L3MBTL4: variants seen among roughly 807,000 people sequenced by gnomAD.
L3MBTL4 encodes L3MBTL histone methyl-lysine binding protein 4.
In L3MBTL4, 70 loss-of-function variants were observed where a neutral mutation model predicts 84.5. That is an observed-to-expected ratio of 0.83 (90% CI 0.68 to 1.01). The LOEUF (loss-of-function observed/expected upper bound fraction) is 1.01. Among genes scored for constraint, L3MBTL4 ranks in the 50% least tolerant of loss-of-function variants. The pLI is 0.00. For missense variants in L3MBTL4, 715 were observed against 754.8 expected, an observed-to-expected ratio of 0.95 and a Z score of 0.62; for synonymous variants, 274 against 259.8, an observed-to-expected ratio of 1.05 and a Z score of -0.52.
At position 6,007,379 on chromosome 18, in the gene L3MBTL4, G is replaced by A. The variant is rs533163005; in HGVS notation, c.1445-37817C>T. Reference sequence around the variant, plus strand: ...TACTTGTAATTAAAAAAAAACTCACGATAAGAAAATGCAAATTAAATTTAT... The same window carrying A: ...TACTTGTAATTAAAAAAAAACTCACAATAAGAAAATGCAAATTAAATTTAT... On this transcript the variant is annotated intron_variant, in intron 16 of 18. Transcript: ENST00000317931. Among the ~76,000 whole-genome samples the A allele has an allele frequency of 2.0e-5, 3 of 151,486 alleles. No homozygotes were observed. The South Asian group carries it at 6.3e-4, about 32-fold the overall frequency.
intron 1 of L3MBTL4, among the ~76,000 whole-genome samples, chr18:6,393,378 C>G (rs2055138119): frequency 6.6e-6 from 1 of 152,136 alleles, no homozygotes; most frequent in South Asian, 2.1e-4. Context: ...ACCTAATTCT[C>G]ACAGGGAGCA....
intron 17 of L3MBTL4, among the ~76,000 whole-genome samples, chr18:5,968,893 G>A (rs934362669): frequency 3.3e-5 from 5 of 152,086 alleles, no homozygotes; most frequent in African/African-American, 1.2e-4. Flanking sequence ...CTTTAGATGA[G>A]CAAACCTGCA....
chr18:6,293,197 T>G (rs7226711), intron 4 of L3MBTL4, among the ~76,000 whole-genome samples: 1 of 151,980 alleles, frequency 6.6e-6, no homozygotes, highest in Non-Finnish European at 1.5e-5. Context: ...AGACTTTCCT[T>G]AGCTCTGTCC....
At chr18:6,228,459 C>T (rs966776482) in intron 10 of L3MBTL4, among the ~76,000 whole-genome samples, 2 of 151,922 alleles carry the variant, frequency 1.3e-5, no homozygotes, top group African/African-American at 4.8e-5. Flanking sequence ...AAAAGATGAA[C>T]CACAGACTGA....
At chr18:6,065,196 A>T (rs1227818568) in intron 16 of L3MBTL4, among the ~76,000 whole-genome samples, 1 of 152,008 alleles carries the variant, frequency 6.6e-6, no homozygotes, top group Non-Finnish European at 1.5e-5. Context: ...CCTGGGATGA[A>T]ATCTACTTGA....
At chr18:6,032,153 AT>A (rs760529249) in intron 16 of L3MBTL4, 32 of 291,172 alleles carry the variant, frequency 1.1e-4, no homozygotes, top group Admixed American at 1.8e-4. Flanking sequence ...AATTTTTTGT[AT>A]TTTTGGTAGA....
intron 16 of L3MBTL4, among the ~76,000 whole-genome samples, chr18:5,993,565 A>G (rs1424706441): frequency 6.6e-6 from 1 of 152,146 alleles, no homozygotes; most frequent in Non-Finnish European, 1.5e-5. Context: ...CCATTATTTT[A>G]GGATTAGGCA....
At chr18:6,244,361 T>A in intron 6 of L3MBTL4, 123 bp downstream of exon 6, 1 of 582,700 alleles carries the variant, frequency 1.7e-6, no homozygotes. Flanking sequence ...CATCGCTGAC[T>A]AAAATAAATC....
chr18:6,080,079 C>G (rs1452717254), intron 16 of L3MBTL4: 1 of 152,506 alleles, frequency 6.6e-6, no homozygotes, highest in African/African-American at 2.4e-5. Context: ...AGCACCCTCT[C>G]CTTCTCTTAA....
intron 13 of L3MBTL4, among the ~76,000 whole-genome samples, chr18:6,139,535 G>A (rs572021918): frequency 4.6e-5 from 7 of 151,276 alleles, no homozygotes; most frequent in African/African-American, 1.5e-4. Context: ...ACACACACAC[G>A]CACACTCACA....
At chr18:6,066,271 C>T (rs1399906148) in intron 16 of L3MBTL4, among the ~76,000 whole-genome samples, 1 of 152,088 alleles carries the variant, frequency 6.6e-6, no homozygotes, top group Non-Finnish European at 1.5e-5. Flanking sequence ...GTTTTATGGT[C>T]TATCATATGG....
chr18:6,085,225 T>C (rs1347445866), intron 15 of L3MBTL4, among the ~76,000 whole-genome samples: 1 of 151,226 alleles, frequency 6.6e-6, no homozygotes, highest in Non-Finnish European at 1.5e-5. Context: ...AGAGGAGAAA[T>C]ACTGGAAACC....
chr18:6,298,135 A>G (rs2050182477), intron 4 of L3MBTL4, among the ~76,000 whole-genome samples: 1 of 152,178 alleles, frequency 6.6e-6, no homozygotes, highest in African/African-American at 2.4e-5. Context: ...ACCTAATTCT[A>G]CTCCTAGTAG....
At chr18:6,265,856 A>G (rs2048608902) in intron 4 of L3MBTL4, among the ~76,000 whole-genome samples, 2 of 152,214 alleles carry the variant, frequency 1.3e-5, no homozygotes. Flanking sequence ...AAAGGATACA[A>G]CGTTCCAGTT....
intron 3 of L3MBTL4, among the ~76,000 whole-genome samples, chr18:6,302,414 G>A (rs1242988151): frequency 1.3e-5 from 2 of 152,134 alleles, no homozygotes; most frequent in Non-Finnish European, 2.9e-5. Context: ...TCATAGAATG[G>A]ACAAGCGACT....
intron 1 of L3MBTL4, among the ~76,000 whole-genome samples, chr18:6,352,790 A>T (rs904659241): frequency 2.0e-5 from 3 of 152,212 alleles, no homozygotes; most frequent in Admixed American, 2.0e-4. Context: ...AAAAAAAAGG[A>T]AATCTAGTTG....
chr18:6,093,707 C>G (rs1272626039), intron 14 of L3MBTL4, among the ~76,000 whole-genome samples, 179 bp from the exon 15 acceptor site: 1 of 152,202 alleles, frequency 6.6e-6, no homozygotes, highest in Admixed American at 6.5e-5. Flanking sequence ...ATCTCAGGTT[C>G]TAGAACCACA....
chr18:6,088,866 T>G (rs1220288038), intron 15 of L3MBTL4, among the ~76,000 whole-genome samples: 1 of 152,174 alleles, frequency 6.6e-6, no homozygotes, highest in Non-Finnish European at 1.5e-5. Context: ...ATTACCACAA[T>G]TTTCCCCAGG....
chr18:6,101,528 C>CAAA (rs2058827841), intron 14 of L3MBTL4, among the ~76,000 whole-genome samples: 3 of 152,174 alleles, frequency 2.0e-5, no homozygotes, highest in African/African-American at 7.2e-5. Context: ...TTAACTAAAG[C>CAAA]ACCCACGAAG....
Sources: allele counts gnomAD v4.1 joint callset (sites outside exome capture counted in the v4.1 genomes callset), GRCh38; gene constraint gnomAD v4.1.1; transcripts MANE v1.5; gene names NCBI Gene and HGNC (gene_info 2026-07-23, HGNC 2026-07-21).